Variants in NTN4 observed in about 807,000 individuals in gnomAD.
The protein encoded by NTN4 is netrin 4, also known as netrin-4.
NTN4 carries 32 observed loss-of-function variants against 73.6 expected under a neutral mutation model. That is an observed-to-expected ratio of 0.44 (90% CI 0.33 to 0.58). NTN4 has a LOEUF of 0.58. NTN4 is among the 20% of genes least tolerant of loss of function. The pLI is 0.04. For synonymous variants in NTN4, 258 were observed against 287.5 expected (o/e 0.90, Z 1.04); for missense variants, 654 against 798.3 (o/e 0.82, Z 2.18).
chr12:95,699,517 C>T (rs2078467255), intron 5 of NTN4, among the ~76,000 whole-genome samples: 2 of 151,652 alleles, frequency 1.3e-5, no homozygotes, highest in Admixed American at 6.6e-5. Context: ...TGAGAAGGGG[C>T]TATTTGAGTA....
At chr12:95,721,238 C>T (rs1278537636) in intron 3 of NTN4, among the ~76,000 whole-genome samples, 4 of 152,110 alleles carry the variant, frequency 2.6e-5, no homozygotes, top group Non-Finnish European at 4.4e-5. Context: ...AGGACAGAGT[C>T]GGGTTTGGAC....
rs1316064102 is a variant in NTN4 at position 95,665,779 on chromosome 12, A to G, written c.1750+31T>C. 2.6e-6 allele frequency: 4 copies of G among 1,542,630 alleles called. No homozygotes were observed. The Admixed American group carries it at 7.5e-5, about 29-fold the overall frequency. On this transcript the variant is annotated intron_variant, in intron 9 of 9. Transcript: ENST00000343702. ...AGCAGCAAATCAGCAGAGACAAGGT[A>G]GGTACTAAGATAGGAAAGTCTAATA...
chr12:95,763,709 A>G (rs1315153125), intron 2 of NTN4, among the ~76,000 whole-genome samples: 2 of 152,186 alleles, frequency 1.3e-5, no homozygotes, highest in African/African-American at 4.8e-5. Flanking sequence ...CTATTTCTGA[A>G]CCTTTCTTTT....
In NTN4 at chr12:95,789,582, G is replaced by A. The variant is rs1264661609; in HGVS notation, c.55+673C>T. 1.3e-5 allele frequency among the ~76,000 whole-genome samples: 2 copies of A among 152,162 alleles called. No homozygotes were observed. The highest frequency in any genetic ancestry group is 2.1e-4 in the South Asian group (1 of 4,834). On this transcript the variant is annotated intron_variant, in intron 1 of 9. Coordinates refer to ENST00000343702, the MANE Select transcript of NTN4 (RefSeq NM_021229.4). The surrounding 1 kb of genome is among the most constrained non-coding windows in gnomAD (Gnocchi z 4.0). ...GAGGGCATCTGCCGACGCCGACGCCGGTTGTCCAGTTACCGAGCCAGGGAG... is the reference window on the plus strand; with the variant it reads ...GAGGGCATCTGCCGACGCCGACGCCAGTTGTCCAGTTACCGAGCCAGGGAG...
intron 2 of NTN4, among the ~76,000 whole-genome samples, chr12:95,753,954 C>T (rs2078928894): frequency 6.6e-6 from 1 of 152,140 alleles, no homozygotes; most frequent in South Asian, 2.1e-4. Flanking sequence ...TCATACATGC[C>T]CTGCTCTTGT....
In NTN4 at chr12:95,738,127, C is replaced by T. The variant is rs774785234; in HGVS notation, c.603G>A (p.Leu201=). ...CTGGEVIFKA[L]SPPYDTENPY... ...GGTTCTCTGTATCGTATGGTGGTGA[C>T]AAAGCTTTGAAAATAACCTGTAAGG... Residue 201 remains leucine, a synonymous_variant, in exon 3 of 10, where the codon TTG becomes TTA. Coordinates refer to ENST00000343702, the MANE Select transcript of NTN4 (RefSeq NM_021229.4). 1.9e-6 allele frequency: 3 copies of T among 1,612,888 alleles called. 1 individual carries two copies. Among genetic ancestry groups the T allele is most frequent in the South Asian group, 2.2e-5 (2 of 90,902 alleles).
At chr12:95,786,796 A>G in intron 2 of NTN4, 143 bp downstream of exon 2, 1 of 708,842 alleles carries the variant, frequency 1.4e-6, no homozygotes, top group Non-Finnish European at 2.3e-6. Flanking sequence ...AGGGTAAGAA[A>G]TAATTTATGA....
At chr12:95,784,006 T>C (rs896683213) in intron 2 of NTN4, among the ~76,000 whole-genome samples, 5 of 152,190 alleles carry the variant, frequency 3.3e-5, no homozygotes, top group Admixed American at 3.3e-4. Context: ...GTCTGGCATA[T>C]ATTTATGTTA....
chr12:95,760,760 T>C (rs2078981847), intron 2 of NTN4, among the ~76,000 whole-genome samples: 1 of 151,582 alleles, frequency 6.6e-6, no homozygotes, highest in South Asian at 2.1e-4. Context: ...CCTGTAGCAG[T>C]TAATCCCTCA....
chr12:95,733,731 T>C (rs1387432705), intron 3 of NTN4, among the ~76,000 whole-genome samples: 1 of 151,558 alleles, frequency 6.6e-6, no homozygotes, highest in Non-Finnish European at 1.5e-5. Flanking sequence ...GGAATGGATC[T>C]GGGGAGAAGG....
At chr12:95,771,182 G>C (rs2079056784) in intron 2 of NTN4, among the ~76,000 whole-genome samples, 2 of 151,940 alleles carry the variant, frequency 1.3e-5, no homozygotes, top group Non-Finnish European at 2.9e-5. Flanking sequence ...GTAGAGACGG[G>C]GTTTCACCGT....
chr12:95,784,551 T>C (rs965113303), intron 2 of NTN4, among the ~76,000 whole-genome samples: 1 of 152,002 alleles, frequency 6.6e-6, no homozygotes. Flanking sequence ...GGCGGATCAC[T>C]AGGTCAGGAG....
chr12:95,738,498 G>A (rs113442252), intron 2 of NTN4, among the ~76,000 whole-genome samples: 287 of 152,290 alleles, frequency 1.9e-3, no homozygotes, highest in African/African-American at 6.4e-3. Context: ...GAAGAACAAC[G>A]AAGTCAGTGT....
chr12:95,670,016 T>C (rs1565877957), intron 8 of NTN4, 62 bp downstream of exon 8: 1 of 1,003,246 alleles, frequency 1.0e-6, no homozygotes, highest in Non-Finnish European at 1.5e-6. Context: ...CCCATTTTCT[T>C]AAAAATTCTC....
intron 2 of NTN4, among the ~76,000 whole-genome samples, chr12:95,785,153 A>C (rs906941263): frequency 6.6e-6 from 1 of 152,220 alleles, no homozygotes; most frequent in Admixed American, 6.5e-5. Context: ...TGTGGCAATA[A>C]ATTTGCAATA....
chr12:95,745,090 A>G (rs2078852942), intron 2 of NTN4, among the ~76,000 whole-genome samples: 1 of 151,704 alleles, frequency 6.6e-6, no homozygotes, highest in South Asian at 2.1e-4. Context: ...TCTTTTTACC[A>G]TTGCTTTTTA....
chr12:95,664,544 T>G (rs1190867989), intron 9 of NTN4, among the ~76,000 whole-genome samples: 1 of 152,002 alleles, frequency 6.6e-6, no homozygotes, highest in African/African-American at 2.4e-5. Flanking sequence ...TATTGTTAGT[T>G]TATGCTCTCT....
rs759476415 is a variant in NTN4, at chr12:95,670,062, A to G, written c.1579+16T>C. The G allele has an allele frequency of 7.2e-6, 11 of 1,530,262 alleles. No homozygotes were observed. The highest frequency in any genetic ancestry group is 9.8e-6 in the Non-Finnish European group (11 of 1,120,840). 94.8% of individuals were successfully genotyped at this position (1,530,262 alleles called of 1,614,324 possible). A position where few individuals can be genotyped will look rare whatever the true frequency, so the allele number is the denominator to read the frequency against. On this transcript the variant is annotated intron_variant, in intron 8 of 9. Coordinates refer to ENST00000343702, the MANE Select transcript of NTN4 (RefSeq NM_021229.4). ...GTGAATAGGTTCTCAGAAGCATTCA[A>G]GGATTTCAGACTCACCATATGAATA...
At chr12:95,744,499 A>G (rs2078847853) in intron 2 of NTN4, among the ~76,000 whole-genome samples, 1 of 152,120 alleles carries the variant, frequency 6.6e-6, no homozygotes, top group Non-Finnish European at 1.5e-5. Context: ...TTTACATTTA[A>G]TGTGATTGAT....
Sources: allele counts gnomAD v4.1 joint callset (sites outside exome capture counted in the v4.1 genomes callset), GRCh38; gene constraint gnomAD v4.1.1; non-coding constraint Gnocchi (gnomAD v3.1); transcripts MANE v1.5; gene names NCBI Gene and HGNC (gene_info 2026-07-23, HGNC 2026-07-21).